The following SLC9A8 variants were observed in gnomAD, a reference collection of about 807,000 sequenced individuals.
SLC9A8 encodes sodium/hydrogen exchanger 8.
SLC9A8 carries 48 observed loss-of-function variants against 66.6 expected under a neutral mutation model. That is an observed-to-expected ratio of 0.72 (90% CI 0.57 to 0.92). The LOEUF (loss-of-function observed/expected upper bound fraction) is 0.92, where lower values mean the gene tolerates loss of function less well. SLC9A8 is among the 40% of genes least tolerant of loss of function. The pLI, the probability that SLC9A8 is intolerant of heterozygous loss-of-function variation, is 0.00. For missense variants in SLC9A8, 599 were observed against 747.3 expected, an observed-to-expected ratio of 0.80 and a Z score of 2.31; for synonymous variants, 274 against 282.6, an observed-to-expected ratio of 0.97 and a Z score of 0.31.
chr20:49,821,689 C>T (rs1421180561), intron 2 of SLC9A8, among the ~76,000 whole-genome samples: 1 of 151,646 alleles, frequency 6.6e-6, no homozygotes, highest in African/African-American at 2.4e-5. Flanking sequence ...ATCTAGGTGC[C>T]CAGTAAAAGA....
In SLC9A8 at chr20:49,886,576, G is replaced by A. The variant is rs947422003; in HGVS notation, c.1492-176G>A. ...GGGCATCCATTGTGCCCTGATGGACGTTCCTGCCTCCCTGCAGGCTCCCAG... is the reference window on the plus strand; with the variant it reads ...GGGCATCCATTGTGCCCTGATGGACATTCCTGCCTCCCTGCAGGCTCCCAG... On this transcript the variant is annotated intron_variant, in intron 14 of 15. Transcript: ENST00000361573. This position sits in a 1 kb window ranked among gnomAD's most constrained non-coding sequence, Gnocchi z 4.8. 10 of 666,074 alleles carry A rather than the reference G, an allele frequency of 1.5e-5. No individual in the cohort carries two copies. Among genetic ancestry groups the A allele is most frequent in the Non-Finnish European group, 2.2e-5 (9 of 401,148 alleles). 41.3% of individuals were successfully genotyped at this position (666,074 alleles called of 1,614,324 possible). A position where few individuals can be genotyped will look rare whatever the true frequency, so the allele number is the denominator to read the frequency against.
In SLC9A8 at chr20:49,888,981, G is replaced by C. The variant is rs1196910943; in HGVS notation, c.*1045G>C. ...AGGGTCCCCAAAGCACTGGGGCAGGGGCCAGAGCAGCAGCACCCAGTGCTC... is the reference window on the plus strand; with the variant it reads ...AGGGTCCCCAAAGCACTGGGGCAGGCGCCAGAGCAGCAGCACCCAGTGCTC... On this transcript the variant is annotated 3_prime_UTR_variant, in exon 16 of 16. Coordinates refer to ENST00000361573, the MANE Select transcript of SLC9A8 (RefSeq NM_015266.3). 1.3e-5 allele frequency: 2 copies of C among 152,348 alleles called. No homozygotes were observed. Among genetic ancestry groups the C allele is most frequent in the African/African-American group, 4.8e-5 (2 of 41,442 alleles). The allele number at this position is 152,348 out of a possible 1,614,324, so 9.4% of individuals were successfully genotyped here.
At chr20:49,869,482 A>G (rs1204559489) in intron 10 of SLC9A8, among the ~76,000 whole-genome samples, 1 of 150,488 alleles carries the variant, frequency 6.6e-6, no homozygotes, top group Non-Finnish European at 1.5e-5. Context: ...TCGGCCTCCC[A>G]AAGTGCTGGG....
At chr20:49,840,084 A>G (rs2087700770) in intron 4 of SLC9A8, among the ~76,000 whole-genome samples, 2 of 152,222 alleles carry the variant, frequency 1.3e-5, no homozygotes, top group Non-Finnish European at 2.9e-5. Context: ...TACAGATGAA[A>G]AAAGTGACAC....
chr20:49,884,217 C>CGCG (rs2089742577), intron 14 of SLC9A8, 151 bp downstream of exon 14: 1 of 344,858 alleles, frequency 2.9e-6, no homozygotes. Flanking sequence ...CACACACACA[C>CGCG]ACACACACAC....
intron 15 of SLC9A8, among the ~76,000 whole-genome samples, chr20:49,887,563 GCTAA>G (rs941119878): frequency 1.3e-5 from 2 of 152,138 alleles, no homozygotes; most frequent in African/African-American, 4.8e-5. Context: ...TGGGAGCAGA[GCTAA>G]CTGTGTCTGA....
At chr20:49,831,051 A>C in intron 3 of SLC9A8, 1 of 715,318 alleles carries the variant, frequency 1.4e-6, no homozygotes. Context: ...CAGTCCAACA[A>C]TATGTCCGCT....
chr20:49,813,322 GC>G (rs1195361178), intron 1 of SLC9A8, among the ~76,000 whole-genome samples: 2 of 152,214 alleles, frequency 1.3e-5, no homozygotes, highest in Non-Finnish European at 2.9e-5. Context: ...GTAGCCAGTC[GC>G]CTCCTGTATA....
At position 49,845,052 on chromosome 20, in the gene SLC9A8, G is replaced by A. The variant is rs749505248; in HGVS notation, c.365G>A (p.Arg122His). The change falls in exon 5 of 16, where the codon CGT (arginine) becomes CAT (histidine). Residue 122 changes from arginine (R) to histidine (H), a missense_variant. This residue lies in a region of SLC9A8 where 467 missense variants were observed against 626.5 expected (regional missense o/e 0.75). Transcript: ENST00000361573. ...LANWKEEEMF[R>H]PNMFFLLLLP... is the part of the protein sequence containing the mutation. The stretch of plus-strand genomic sequence containing the variant: ...TATTTACAGGAAGAAGAAATGTTTC[G>A]TCCAAACATGTTTTTCCTCCTCCTG... The A allele has an allele frequency of 1.4e-5, 23 of 1,611,872 alleles. No homozygotes were observed. Among genetic ancestry groups the A allele is most frequent in the South Asian group, 6.6e-5 (6 of 91,042 alleles).
Position 49,864,237 on chromosome 20 carries a change from G to A in SLC9A8, c.853-502G>A, listed in dbSNP as rs555383454. Among the ~76,000 whole-genome samples, 12 of 152,284 alleles carry A rather than the reference G, an allele frequency of 7.9e-5. No homozygotes were observed. In the South Asian group the frequency reaches 2.1e-3, roughly 26 times the overall value. ...ATAGGAAATACTGTGCTTCAACAGG[G>A]CCTCGAACCTCAGTTTGAACAGCGA... On this transcript the variant is annotated intron_variant, in intron 9 of 15. Coordinates refer to ENST00000361573, the MANE Select transcript of SLC9A8 (RefSeq NM_015266.3).
At chr20:49,812,969 G>GCCC (rs758615973) in intron 1 of SLC9A8, 21 bp downstream of exon 1, 32 of 1,392,882 alleles carry the variant, frequency 2.3e-5, no homozygotes, top group African/African-American at 1.1e-4. Context: ...TTTTTCCCGG[G>GCCC]CGGCGGAGGC....
chr20:49,835,094 G>A (rs1026246350), intron 3 of SLC9A8, among the ~76,000 whole-genome samples: 15 of 152,168 alleles, frequency 9.9e-5, no homozygotes, highest in African/African-American at 3.6e-4. Flanking sequence ...AACCACTTTG[G>A]AGGATAATTT....
In SLC9A8 at chr20:49,890,477, G is replaced by C. The variant is rs2090015674; in HGVS notation, c.*2541G>C. 6.6e-6 allele frequency: 1 copy of C among 152,200 alleles called. No individual in the cohort carries two copies. Among genetic ancestry groups the C allele is most frequent in the African/African-American group, 2.4e-5 (1 of 41,410 alleles). The allele number at this position is 152,200 out of a possible 1,614,324, so 9.4% of individuals were successfully genotyped here. On this transcript the variant is annotated 3_prime_UTR_variant, in exon 16 of 16. Transcript: ENST00000361573. ...GTGGCGTGTAGGAGGAATACTTCAG[G>C]ATGAGTGAAGGCTGGAGCCAGGGAG... is the stretch of plus-strand genomic sequence containing the variant.
At chr20:49,827,767 G>A (rs894485912) in intron 3 of SLC9A8, among the ~76,000 whole-genome samples, 4 of 152,030 alleles carry the variant, frequency 2.6e-5, no homozygotes, top group African/African-American at 7.2e-5. Context: ...AGGGCTGAAA[G>A]TTTGACTTTC....
intron 15 of SLC9A8, 114 bp downstream of exon 15, chr20:49,887,012 G>C: frequency 8.4e-7 from 1 of 1,186,440 alleles, no homozygotes; most frequent in Non-Finnish European, 1.2e-6. Context: ...AGCTCACGTG[G>C]GCCCGCCAGG....
chr20:49,824,485 T>G (rs1264219645), intron 3 of SLC9A8, among the ~76,000 whole-genome samples: 1 of 152,216 alleles, frequency 6.6e-6, no homozygotes, highest in Non-Finnish European at 1.5e-5. Context: ...GAATTTACAG[T>G]TGTGTGGTCA....
intron 3 of SLC9A8, chr20:49,830,635 C>A: frequency 4.8e-6 from 3 of 622,332 alleles, no homozygotes; most frequent in East Asian, 2.8e-5. Flanking sequence ...GTGATCTTAG[C>A]AGCTGGAGAC....
At chr20:49,825,787 A>T (rs1205435142) in intron 3 of SLC9A8, among the ~76,000 whole-genome samples, 1 of 152,186 alleles carries the variant, frequency 6.6e-6, no homozygotes, top group Admixed American at 6.5e-5. Context: ...CTCAGCAGTG[A>T]ATCCCTTTTC....
At chr20:49,849,394 CG>C (rs2088149603) in intron 5 of SLC9A8, among the ~76,000 whole-genome samples, 184 bp from the exon 6 acceptor site, 1 of 151,948 alleles carries the variant, frequency 6.6e-6, no homozygotes, top group South Asian at 2.1e-4. Flanking sequence ...GTGTGAGTGA[CG>C]GGACACTGCA....
Sources: allele counts gnomAD v4.1 joint callset (sites outside exome capture counted in the v4.1 genomes callset), GRCh38; gene constraint gnomAD v4.1.1; regional missense constraint gnomAD v4.1.1; non-coding constraint Gnocchi (gnomAD v3.1); transcripts MANE v1.5; gene names NCBI Gene and HGNC (gene_info 2026-07-23, HGNC 2026-07-21).